Variants in DCLK1 observed in about 807,000 individuals in gnomAD.
The protein encoded by DCLK1 is serine/threonine-protein kinase DCLK1.
DCLK1 carries 16 observed loss-of-function variants against 86.2 expected under a neutral mutation model. The observed-to-expected ratio is 0.19, with a 90% CI of 0.13 to 0.28. The LOEUF (loss-of-function observed/expected upper bound fraction) is 0.28. Among genes scored for constraint, DCLK1 ranks in the 10% least tolerant of loss-of-function variants. DCLK1 has a pLI of 1.00. For synonymous variants in DCLK1, 369 were observed against 370.5 expected (o/e 1.00, Z 0.05); for missense variants, 590 against 940.2 (o/e 0.63, Z 4.87).
At chr13:35,776,848 A>G (rs1378268700) in intron 16 of DCLK1, among the ~76,000 whole-genome samples, 1 of 152,094 alleles carries the variant, frequency 6.6e-6, no homozygotes, top group Non-Finnish European at 1.5e-5. Context: ...TCCACTCAAT[A>G]CTTCACACTC....
At chr13:36,021,150 T>G (rs987970876) in intron 3 of DCLK1, among the ~76,000 whole-genome samples, 2 of 152,036 alleles carry the variant, frequency 1.3e-5, no homozygotes, top group African/African-American at 4.8e-5. Context: ...GAGCAAAGTC[T>G]TGGTATATAA....
At chr13:36,074,863 A>G (rs1385600633) in intron 3 of DCLK1, among the ~76,000 whole-genome samples, 1 of 152,214 alleles carries the variant, frequency 6.6e-6, no homozygotes, top group African/African-American at 2.4e-5. Flanking sequence ...GCTCCTTAGC[A>G]ACCAATGTCG....
At chr13:36,119,159 CT>C in intron 2 of DCLK1, among the ~76,000 whole-genome samples, 1 of 152,214 alleles carries the variant, frequency 6.6e-6, no homozygotes, top group Admixed American at 6.5e-5. Flanking sequence ...ACATGTTGAG[CT>C]TTAAAGAACT....
At chr13:36,050,809 T>C (rs1236273490) in intron 3 of DCLK1, among the ~76,000 whole-genome samples, 8 of 152,160 alleles carry the variant, frequency 5.3e-5, no homozygotes, top group Non-Finnish European at 1.2e-4. Flanking sequence ...GAGCGTCTTC[T>C]CCATATCAGG....
intron 15 of DCLK1, among the ~76,000 whole-genome samples, chr13:35,796,859 G>C (rs148943563): frequency 6.6e-6 from 1 of 152,182 alleles, no homozygotes; most frequent in African/African-American, 2.4e-5. Context: ...GTGGTGAGGC[G>C]GAAGGAGAAT....
intron 4 of DCLK1, among the ~76,000 whole-genome samples, chr13:35,934,158 C>T (rs896554066): frequency 6.6e-6 from 1 of 152,196 alleles, no homozygotes; most frequent in Admixed American, 6.5e-5. Context: ...TCATCTACAT[C>T]TGAGACCACC....
intron 3 of DCLK1, among the ~76,000 whole-genome samples, chr13:36,013,672 T>C (rs938357967): frequency 6.6e-6 from 1 of 152,176 alleles, no homozygotes; most frequent in Non-Finnish European, 1.5e-5. Flanking sequence ...AGGTTACTGC[T>C]GTCTTTTTGT....
At chr13:36,040,716 T>C (rs1315339757) in intron 3 of DCLK1, among the ~76,000 whole-genome samples, 1 of 152,010 alleles carries the variant, frequency 6.6e-6, no homozygotes, top group Non-Finnish European at 1.5e-5. Context: ...TCTACCTAAA[T>C]TGTTTGAAAT....
chr13:36,106,497 A>G (rs1195298540), intron 3 of DCLK1, among the ~76,000 whole-genome samples: 2 of 152,190 alleles, frequency 1.3e-5, no homozygotes, highest in Non-Finnish European at 2.9e-5. Context: ...TGTAAGCTAA[A>G]TTACTTGTAT....
chr13:35,858,986 A>T (rs1871235560), intron 5 of DCLK1, among the ~76,000 whole-genome samples: 1 of 152,238 alleles, frequency 6.6e-6, no homozygotes, highest in Non-Finnish European at 1.5e-5. Context: ...GCTGGGATAA[A>T]TAATTTTCTT....
At chr13:35,839,753 T>C (rs1869659048) in intron 6 of DCLK1, among the ~76,000 whole-genome samples, 1 of 151,502 alleles carries the variant, frequency 6.6e-6, no homozygotes, top group African/African-American at 2.4e-5. Flanking sequence ...ACATAATAAG[T>C]CTGAAGTAAA....
At chr13:35,777,613 G>A (rs2086445895) in intron 16 of DCLK1, among the ~76,000 whole-genome samples, 1 of 152,142 alleles carries the variant, frequency 6.6e-6, no homozygotes, top group Non-Finnish European at 1.5e-5. Flanking sequence ...TCTTTGTAGA[G>A]CAGATAGGAT....
At chr13:36,003,304 CGTGT>C (rs139849818) in intron 3 of DCLK1, among the ~76,000 whole-genome samples, 1 of 151,388 alleles carries the variant, frequency 6.6e-6, no homozygotes, top group Non-Finnish European at 1.5e-5. Flanking sequence ...CTAGTGCATG[CGTGT>C]GTGTGTGTGT....
intron 4 of DCLK1, among the ~76,000 whole-genome samples, chr13:35,921,415 C>G (rs1875794677): frequency 6.6e-6 from 1 of 152,132 alleles, no homozygotes; most frequent in African/African-American, 2.4e-5. Context: ...CCTCGGGCAC[C>G]AGCTAACATC....
chr13:36,025,783 G>A (rs1187395165), intron 3 of DCLK1, among the ~76,000 whole-genome samples: 1 of 152,146 alleles, frequency 6.6e-6, no homozygotes, highest in Non-Finnish European at 1.5e-5. Context: ...CCATGATTAA[G>A]TACTTCAGAT....
intron 11 of DCLK1, among the ~76,000 whole-genome samples, chr13:35,812,030 G>A (rs1018345864): frequency 6.6e-6 from 1 of 152,138 alleles, no homozygotes; most frequent in Admixed American, 6.6e-5. Flanking sequence ...CAGGTGCAGA[G>A]TCAGCATCCT....
chr13:35,781,793 C>A (rs1187741352), intron 16 of DCLK1, among the ~76,000 whole-genome samples: 1 of 152,164 alleles, frequency 6.6e-6, no homozygotes, highest in Non-Finnish European at 1.5e-5. Flanking sequence ...ATCTCAGGAA[C>A]CCTTTCTTTT....
At chr13:36,033,465 A>G (rs1882363278) in intron 3 of DCLK1, among the ~76,000 whole-genome samples, 1 of 152,180 alleles carries the variant, frequency 6.6e-6, no homozygotes, top group South Asian at 2.1e-4. Flanking sequence ...TTGGAATCAA[A>G]CAGTTTAAAC....
intron 6 of DCLK1, chr13:35,846,567 C>T: frequency 3.0e-6 from 3 of 985,314 alleles, no homozygotes; most frequent in Non-Finnish European, 3.6e-6. Flanking sequence ...CTGATTTCCT[C>T]TTTTTTCCAC....
Sources: gnomAD v4.1 joint callset for allele counts (sites outside exome capture counted in the v4.1 genomes callset) on GRCh38, gnomAD v4.1.1 for gene constraint, MANE v1.5 for transcripts, NCBI Gene and HGNC (gene_info 2026-07-23, HGNC 2026-07-21) for gene names.